The following UCHL3 variants were observed in gnomAD, a reference collection of about 807,000 sequenced individuals.
UCHL3 encodes the protein ubiquitin C-terminal hydrolase L3.
In UCHL3, 22 loss-of-function variants were observed where a neutral mutation model predicts 35.8. That is an observed-to-expected ratio of 0.61 (90% confidence interval 0.44 to 0.88). UCHL3 has a LOEUF of 0.88. Ranked by LOEUF, UCHL3 falls within the 40% of genes least tolerant of loss-of-function variation. The pLI is 0.00. For synonymous variants in UCHL3, 90 were observed against 92.8 expected (o/e 0.97, Z 0.17); for missense variants, 229 against 276.9 (o/e 0.83, Z 1.23).
chr13:75,605,980 G>A lies in UCHL3; in HGVS notation c.*168G>A. On this transcript the variant is annotated 3_prime_UTR_variant, in exon 9 of 9. Coordinates refer to ENST00000377595, the MANE Select transcript of UCHL3 (RefSeq NM_006002.5). The stretch of plus-strand genomic sequence containing the variant: ...ATGTTATTTTTGCTCCAGGTTAAAG[G>A]TGCAATGCTTTCCTCCTCTTTTCTT... 1 of 581,366 alleles carries A rather than the reference G, an allele frequency of 1.7e-6. No homozygotes were observed. Among genetic ancestry groups the A allele is most frequent in the East Asian group, 2.8e-5 (1 of 35,962 alleles). The allele number at this position is 581,366 out of a possible 1,614,324, so 36.0% of individuals were successfully genotyped here.
chr13:75,600,940 A>G (rs1273285204), intron 7 of UCHL3, among the ~76,000 whole-genome samples: 1 of 152,240 alleles, frequency 6.6e-6, no homozygotes, highest in South Asian at 2.1e-4. Flanking sequence ...AGCTCAAAGT[A>G]TCAACATTAA....
At chr13:75,597,518 AAAAC>A (rs1478663837) in intron 7 of UCHL3, among the ~76,000 whole-genome samples, 8 of 152,254 alleles carry the variant, frequency 5.3e-5, no homozygotes, top group Admixed American at 1.3e-4. Flanking sequence ...ACAACAATAA[AAAAC>A]AAATTTTGAA....
intron 8 of UCHL3, 24 bp downstream of exon 8, chr13:75,604,851 A>G (rs2032887359): frequency 1.9e-6 from 3 of 1,567,498 alleles, no homozygotes; most frequent in East Asian, 2.4e-5. Context: ...TTGTTGGCCC[A>G]TCTTCATCAA....
chr13:75,570,424 G>A (rs977623198), intron 6 of UCHL3, among the ~76,000 whole-genome samples: 9 of 152,214 alleles, frequency 5.9e-5, no homozygotes, highest in African/African-American at 2.2e-4. Context: ...TTTTAGTAGA[G>A]ACGGGGTTTC....
chr13:75,599,940 G>A (rs2032737552), intron 7 of UCHL3, among the ~76,000 whole-genome samples: 1 of 152,198 alleles, frequency 6.6e-6, no homozygotes, highest in Non-Finnish European at 1.5e-5. Context: ...GAATGCAAAG[G>A]AAAAGTTCTT....
At chr13:75,573,040 G>A (rs904646482) in intron 6 of UCHL3, among the ~76,000 whole-genome samples, 1 of 152,150 alleles carries the variant, frequency 6.6e-6, no homozygotes, top group South Asian at 2.1e-4. Context: ...CAAGGCAGGC[G>A]GATCACCTGA....
At chr13:75,572,214 A>G (rs2031885021) in intron 6 of UCHL3, among the ~76,000 whole-genome samples, 1 of 152,100 alleles carries the variant, frequency 6.6e-6, no homozygotes, top group Admixed American at 6.6e-5. Flanking sequence ...CCATTCTTCA[A>G]GACTCAGCTT....
intron 6 of UCHL3, among the ~76,000 whole-genome samples, chr13:75,576,234 A>G (rs1259258960): frequency 2.0e-5 from 3 of 150,796 alleles, no homozygotes; most frequent in Admixed American, 1.3e-4. Flanking sequence ...CTTTTTCATT[A>G]TTATTATTTT....
At chr13:75,553,902 T>C (rs1213065853) in intron 2 of UCHL3, among the ~76,000 whole-genome samples, 1 of 152,246 alleles carries the variant, frequency 6.6e-6, no homozygotes, top group Non-Finnish European at 1.5e-5. Context: ...GGTGATGAGT[T>C]GATGCCGTTG....
At chr13:75,603,342 A>G (rs1188779777) in intron 7 of UCHL3, among the ~76,000 whole-genome samples, 4 of 152,130 alleles carry the variant, frequency 2.6e-5, no homozygotes, top group African/African-American at 9.7e-5. Flanking sequence ...GAAAATACAT[A>G]TATTAAGCCA....
intron 2 of UCHL3, among the ~76,000 whole-genome samples, chr13:75,555,677 G>A (rs984189576): frequency 1.3e-5 from 2 of 151,928 alleles, no homozygotes; most frequent in East Asian, 1.9e-4. Flanking sequence ...CTGCTTTCCC[G>A]TAACTTTCTC....
intron 2 of UCHL3, among the ~76,000 whole-genome samples, chr13:75,554,425 G>C (rs2031221445): frequency 6.6e-6 from 1 of 152,066 alleles, no homozygotes; most frequent in Non-Finnish European, 1.5e-5. Context: ...ATGAATGTCG[G>C]CTATTTTTAA....
chr13:75,574,090 T>C (rs1229789571), intron 6 of UCHL3, among the ~76,000 whole-genome samples: 3 of 151,926 alleles, frequency 2.0e-5, no homozygotes, highest in Admixed American at 6.6e-5. Context: ...TGGTGGCGGG[T>C]GCCTGTAGTC....
intron 7 of UCHL3, among the ~76,000 whole-genome samples, chr13:75,596,655 T>C (rs1326085286): frequency 3.3e-5 from 5 of 151,988 alleles, no homozygotes; most frequent in Non-Finnish European, 5.9e-5. Context: ...AACAATAACA[T>C]CTAAAATATA....
intron 6 of UCHL3, chr13:75,589,869 T>C (rs1341037170): frequency 8.6e-7 from 1 of 1,162,164 alleles, no homozygotes; most frequent in Non-Finnish European, 1.1e-6. Context: ...GACCATACGT[T>C]GCTTTTAAGA....
chr13:75,592,454 A>AGCACTTTGGAAGGC (rs1566228202), intron 6 of UCHL3, among the ~76,000 whole-genome samples: 1 of 118,832 alleles, frequency 8.4e-6, no homozygotes. Flanking sequence ...ATATATATAT[A>AGCACTTTGGAAGGC]TATATATATA....
At chr13:75,588,092 A>C (rs138377793) in intron 6 of UCHL3, among the ~76,000 whole-genome samples, 6 of 152,270 alleles carry the variant, frequency 3.9e-5, no homozygotes, top group African/African-American at 1.2e-4. Context: ...GTAAGAGGCT[A>C]ACTGATTAAA....
intron 5 of UCHL3, 57 bp from the exon 6 acceptor site, chr13:75,569,403 A>G: frequency 1.4e-6 from 2 of 1,413,644 alleles, no homozygotes; most frequent in Non-Finnish European, 1.9e-6. Context: ...TGTTGTCTTC[A>G]TTTAAAAAGT....
rs138959840 is a variant in UCHL3 at position 75,605,384 on chromosome 13, T to A, written c.610-345T>A. ...TTAGCTGGGTGTGGTGGTATGTGACTGTAGTCCCAGCTACTAGGGAGGCTG... is the reference window on the plus strand; with the variant it reads ...TTAGCTGGGTGTGGTGGTATGTGACAGTAGTCCCAGCTACTAGGGAGGCTG... On this transcript the variant is annotated intron_variant, in intron 8 of 8. Coordinates refer to ENST00000377595, the MANE Select transcript of UCHL3 (RefSeq NM_006002.5). 4.6e-3 allele frequency among the ~76,000 whole-genome samples: 695 copies of A among 152,246 alleles called. 3 individuals carry two copies. Among genetic ancestry groups the A allele is most frequent in the Admixed American group, 0.011 (168 of 15,286 alleles).
Sources: gnomAD v4.1 joint callset for allele counts (sites outside exome capture counted in the v4.1 genomes callset) on GRCh38, gnomAD v4.1.1 for gene constraint, MANE v1.5 for transcripts, NCBI Gene and HGNC (gene_info 2026-07-23, HGNC 2026-07-21) for gene names.